Variants in SNX12 observed in about 807,000 individuals in gnomAD.
SNX12 encodes sorting nexin-12.
For missense variants in SNX12, 62 were observed against 141.3 expected (o/e 0.44, Z 2.84); for synonymous variants, 47 against 56.0 (o/e 0.84, Z 0.71).
At chrX:71,071,544 T>A (rs377448264), upstream of SNX12, among the ~76,000 whole-genome samples, 8 of 36,696 alleles carry the variant, frequency 2.2e-4, no homozygotes, top group South Asian at 1.8e-3. Context: ...TTTATATATA[T>A]TATATATAAA....
At chrX:71,062,368 CTTTTTTTTTTTTT>C (rs761195647) in intron 2 of SNX12, among the ~76,000 whole-genome samples, 2 of 71,369 alleles carry the variant, frequency 2.8e-5, no homozygotes, top group East Asian at 8.4e-4. Flanking sequence ...TTACCACTTT[CTTTTTTTTTTTTT>C]TTTTTTTTTG....
At chrX:71,073,035 TAC>T (rs56242437), upstream of SNX12, among the ~76,000 whole-genome samples, 26,527 of 89,557 alleles carry the variant, frequency 0.3, 3,462 homozygotes, top group East Asian at 0.43. Context: ...TTATCACACA[TAC>T]ACACACACAC....
upstream of SNX12, among the ~76,000 whole-genome samples, chrX:71,072,906 TACACACACACAC>T (rs59544159): frequency 9.9e-6 from 1 of 101,431 alleles, no homozygotes. Flanking sequence ...CTGGCTTCCA[TACACACACACAC>T]ACACACACAC....
chrX:71,068,949 T>C (rs1347692573), upstream of SNX12, among the ~76,000 whole-genome samples: 1 of 111,474 alleles, frequency 9.0e-6, no homozygotes, highest in Non-Finnish European at 1.9e-5. Flanking sequence ...CTCTCTTACT[T>C]TTCAGGAAAA....
rs2092162390 is a variant in SNX12 at position 71,068,310 on chromosome X, T to C, written c.-4A>G. 2.5e-6 allele frequency: 3 copies of C among 1,192,366 alleles called. No individual in the cohort carries two copies. The East Asian group carries it at 9.2e-5, about 37-fold the overall frequency. The stretch of plus-strand genomic sequence containing the variant: ...CAGCTACTGCCGTGTCCGACATCTT[T>C]CCGAAGGAGAGCCTGGGACCGGGGA... On this transcript the variant is annotated 5_prime_UTR_variant, in exon 1 of 4. Coordinates refer to ENST00000374274, the MANE Select transcript of SNX12 (RefSeq NM_013346.4).
chrX:71,071,007 A>G (rs926204201), upstream of SNX12, among the ~76,000 whole-genome samples: 1 of 111,368 alleles, frequency 9.0e-6, no homozygotes, highest in African/African-American at 3.3e-5. Context: ...TCCTCAGAAA[A>G]TAATCAGATA....
At chrX:71,061,732 CAAAT>C in intron 3 of SNX12, 107 bp downstream of exon 3, 7 of 725,895 alleles carry the variant, frequency 9.6e-6, no homozygotes, top group Admixed American at 3.9e-5. Context: ...GACTCTGTCT[CAAAT>C]AAATAAATAA....
intron 2 of SNX12, among the ~76,000 whole-genome samples, chrX:71,062,227 A>G (rs1049465131): frequency 8.1e-5 from 9 of 110,903 alleles, no homozygotes; most frequent in Non-Finnish European, 3.8e-5. Flanking sequence ...ACAAGCCACT[A>G]CCATTCAAGA....
intron 3 of SNX12, among the ~76,000 whole-genome samples, chrX:71,061,335 G>C (rs2092130515): frequency 8.9e-6 from 1 of 111,742 alleles, no homozygotes; most frequent in African/African-American, 3.3e-5. Context: ...AACATGCAGT[G>C]CTTTCTCAGG....
upstream of SNX12, among the ~76,000 whole-genome samples, chrX:71,068,821 G>A (rs924311467): frequency 2.9e-4 from 33 of 112,149 alleles, no homozygotes; most frequent in Non-Finnish European, 4.1e-4. Context: ...CTATAACGTA[G>A]CCGTCCCACC....
upstream of SNX12, among the ~76,000 whole-genome samples, chrX:71,068,881 A>G (rs1195309959): frequency 8.9e-6 from 1 of 112,060 alleles, no homozygotes; most frequent in Non-Finnish European, 1.9e-5. Flanking sequence ...CGCACTCAGC[A>G]CTACGTATGG....
chrX:71,066,591 TAA>T (rs34509177), intron 1 of SNX12, among the ~76,000 whole-genome samples: 23 of 73,983 alleles, frequency 3.1e-4, no homozygotes, highest in Admixed American at 4.8e-4. Context: ...CTCCATCTCT[TAA>T]AAAAAAAAAA....
chrX:71,064,183 A>G (rs2092143157), intron 1 of SNX12, among the ~76,000 whole-genome samples: 1 of 111,538 alleles, frequency 9.0e-6, no homozygotes, highest in Non-Finnish European at 1.9e-5. Flanking sequence ...AGTGAATTTA[A>G]ATTCCCTGTA....
rs764741794 is a variant in SNX12 at position 71,063,496 on chromosome X, C to CAAAA, written c.166-551_166-548dup. ...TGAGAGACAGAGTGAGATTCTGTCT[C>CAAAA]AAAAAAAAAAAAAAGAGTTTCACTG... On this transcript the variant is annotated intron_variant, in intron 1 of 3. Transcript: ENST00000374274. Among the ~76,000 whole-genome samples, 2 of 61,850 alleles carry CAAAA rather than the reference C, an allele frequency of 3.2e-5. 1 individual carries two copies. The highest frequency in any genetic ancestry group is 3.8e-4 in the Admixed American group (2 of 5,290). The allele number at this position is 61,850 out of a possible 115,157, so 53.7% of individuals were successfully genotyped here.
intron 1 of SNX12, among the ~76,000 whole-genome samples, chrX:71,067,307 C>T (rs1001929086): frequency 9.0e-6 from 1 of 111,687 alleles, no homozygotes; most frequent in Non-Finnish European, 1.9e-5. Flanking sequence ...GGTCAGAATC[C>T]AAAAGGGTAA....
At chrX:71,063,924 TG>T (rs2092142195) in intron 1 of SNX12, among the ~76,000 whole-genome samples, 1 of 111,395 alleles carries the variant, frequency 9.0e-6, no homozygotes, top group Admixed American at 9.7e-5. Context: ...TGTGCCAGTA[TG>T]GAAAGATATT....
chrX:71,060,603 G>T lies in SNX12; in HGVS notation c.*413C>A, dbSNP rs1280562085. On this transcript the variant is annotated 3_prime_UTR_variant, in exon 4 of 4. Coordinates refer to ENST00000374274, the MANE Select transcript of SNX12 (RefSeq NM_013346.4). The stretch of plus-strand genomic sequence containing the variant: ...AAATACATGCAGTTAGGAAAGGCAG[G>T]GTTTTTCCCTGCTCAGTGTTCTTGG... 1 of 124,889 alleles carries T rather than the reference G, an allele frequency of 8.0e-6. No individual in the cohort carries two copies. The highest frequency in any genetic ancestry group is 3.2e-5 in the African/African-American group (1 of 31,199). 10.3% of individuals were successfully genotyped at this position (124,889 alleles called of 1,213,427 possible). A position where few individuals can be genotyped will look rare whatever the true frequency, so the allele number is the denominator to read the frequency against.
Position 71,068,229 on chromosome X carries a change from T to G in SNX12, c.78A>C (p.Pro26=), listed in dbSNP as rs2092161949. Residue 26 remains proline (P), a synonymous_variant, in exon 1 of 4, where the codon CCA becomes CCC. Transcript: ENST00000374274. ...PQDLTDAYGP[P]SNFLEIDIFN... is the part of the protein sequence containing the mutation. ...AGATGTCGATCTCCAGGAAGTTACT[T>G]GGCGGCCCGTAAGCGTCGGTCAGGT... is the stretch of plus-strand genomic sequence containing the variant. 1 of 1,208,487 alleles carries G rather than the reference T, an allele frequency of 8.3e-7. No homozygotes were observed. Among genetic ancestry groups the G allele is most frequent in the Non-Finnish European group, 1.1e-6 (1 of 894,520 alleles).
rs757566990 is a variant in SNX12, at chrX:71,059,521, G to A, written c.*1495C>T. On this transcript the variant is annotated 3_prime_UTR_variant, in exon 4 of 4. Coordinates refer to ENST00000374274, the MANE Select transcript of SNX12 (RefSeq NM_013346.4). ...TAGGGGCTGCTTAGCCCCTGGCGCAGGCTCAGCAGCTGGAGAGCTGTCTCA... is the reference window on the plus strand; with the variant it reads ...TAGGGGCTGCTTAGCCCCTGGCGCAAGCTCAGCAGCTGGAGAGCTGTCTCA... 8.9e-6 allele frequency: 1 copy of A among 112,233 alleles called. No homozygotes were observed. The highest frequency in any genetic ancestry group is 1.9e-5 in the Non-Finnish European group (1 of 53,264). 9.2% of individuals were successfully genotyped at this position (112,233 alleles called of 1,213,427 possible). A position where few individuals can be genotyped will look rare whatever the true frequency, so the allele number is the denominator to read the frequency against.
Sources: allele counts gnomAD v4.1 joint callset (sites outside exome capture counted in the v4.1 genomes callset), GRCh38; gene constraint gnomAD v4.1.1; transcripts MANE v1.5; gene names NCBI Gene and HGNC (gene_info 2026-07-23, HGNC 2026-07-21).